Variants in OTOGL observed in about 807,000 individuals in gnomAD.
OTOGL encodes otogelin-like protein.
Under a neutral mutation model 318.5 loss-of-function variants are expected in OTOGL, and 285 were observed. That is an observed-to-expected ratio of 0.89 (90% CI 0.81 to 0.99). The LOEUF (loss-of-function observed/expected upper bound fraction) is 0.99. Ranked by LOEUF, OTOGL falls within the 50% of genes least tolerant of loss-of-function variation. The pLI, the probability that OTOGL is intolerant of heterozygous loss-of-function variation, is 0.00. For missense variants in OTOGL, 2,899 were observed against 2,845.6 expected, an observed-to-expected ratio of 1.02 and a Z score of -0.43; for synonymous variants, 987 against 936.5, an observed-to-expected ratio of 1.05 and a Z score of -0.99.
In OTOGL at chr12:80,329,341, T is replaced by C. The variant is rs191506481; in HGVS notation, c.4348+222T>C. ...GATTCTTCTGCCTGAGACCCCCAAG[T>C]GCTGAGATTACAGGCATGAGCCACA... On this transcript the variant is annotated intron_variant, in intron 37 of 58. Transcript: ENST00000547103. Among the ~76,000 whole-genome samples the C allele has an allele frequency of 8.1e-4, 124 of 152,276 alleles. 1 individual carries two copies. The East Asian group carries it at 0.022, about 27-fold the overall frequency.
At chr12:80,228,435 C>G (rs779830154) in intron 7 of OTOGL, among the ~76,000 whole-genome samples, 2 of 151,790 alleles carry the variant, frequency 1.3e-5, no homozygotes, top group Non-Finnish European at 2.9e-5. Context: ...GAGAGAGGCT[C>G]TATCTCAAAA....
At chr12:80,307,876 C>T (rs1886297813) in intron 29 of OTOGL, among the ~76,000 whole-genome samples, 1 of 139,192 alleles carries the variant, frequency 7.2e-6, no homozygotes, top group Non-Finnish European at 1.5e-5. Flanking sequence ...GGCTGACCCC[C>T]CCACCTCCCT....
intron 43 of OTOGL, among the ~76,000 whole-genome samples, chr12:80,340,607 A>G (rs1337751252): frequency 6.6e-6 from 1 of 152,150 alleles, no homozygotes; most frequent in African/African-American, 2.4e-5. Flanking sequence ...GAGGGCTAGG[A>G]TCACCTTTAT....
At chr12:80,221,957 G>C in intron 6 of OTOGL, 134 bp from the exon 7 acceptor site, 2 of 919,352 alleles carry the variant, frequency 2.2e-6, no homozygotes, top group Non-Finnish European at 1.5e-6. Context: ...TTTTATGTTA[G>C]TTATTTCTTC....
intron 29 of OTOGL, among the ~76,000 whole-genome samples, chr12:80,308,166 C>T (rs1169251585): frequency 6.7e-6 from 1 of 150,224 alleles, no homozygotes; most frequent in Non-Finnish European, 1.5e-5. Flanking sequence ...ACCTCCCTCC[C>T]GGACGAGGTG....
At chr12:80,198,992 G>A (rs536893406) in intron 1 of OTOGL, among the ~76,000 whole-genome samples, 40 of 152,206 alleles carry the variant, frequency 2.6e-4, no homozygotes, top group African/African-American at 8.7e-4. Context: ...TGTAATATGC[G>A]TGTGCATATT....
At chr12:80,200,807 G>T (rs1174132720) in intron 1 of OTOGL, among the ~76,000 whole-genome samples, 1 of 152,130 alleles carries the variant, frequency 6.6e-6, no homozygotes, top group Non-Finnish European at 1.5e-5. Flanking sequence ...TGTGTGTCAT[G>T]CCCTCAAAAA....
intron 12 of OTOGL, 93 bp from the exon 13 acceptor site, chr12:80,251,983 C>T (rs1249201431): frequency 1.5e-6 from 2 of 1,351,448 alleles, no homozygotes; most frequent in Non-Finnish European, 9.7e-7. Context: ...TTATTTTTTG[C>T]AAATTATTTT....
intron 1 of OTOGL, among the ~76,000 whole-genome samples, chr12:80,119,013 C>T (rs1870333759): frequency 6.6e-6 from 1 of 151,956 alleles, no homozygotes; most frequent in Non-Finnish European, 1.5e-5. Flanking sequence ...CTAATTTTGG[C>T]CTATTTCCCT....
chr12:80,349,293 A>G (rs1889394425), intron 44 of OTOGL, among the ~76,000 whole-genome samples: 2 of 152,206 alleles, frequency 1.3e-5, no homozygotes, highest in East Asian at 1.9e-4. Flanking sequence ...TACATTTTCC[A>G]TATATTAGCT....
At chr12:80,252,018 TA>T (rs1326583747) in intron 12 of OTOGL, 57 bp from the exon 13 acceptor site, 49 of 1,411,444 alleles carry the variant, frequency 3.5e-5, no homozygotes, top group Non-Finnish European at 4.5e-5. Flanking sequence ...ATTATAATTT[TA>T]AAAAAGAAAT....
rs1220467489 is a variant in OTOGL at position 80,307,911 on chromosome 12, G to T, written c.3333+2216G>T. On this transcript the variant is annotated intron_variant, in intron 29 of 58. Transcript: ENST00000547103. ...TCCCTCCCGGACGGGGCGGCTGGCC[G>T]GGCGGGGGCTGACCCCCCCACCTCC... 1.7e-4 allele frequency among the ~76,000 whole-genome samples: 23 copies of T among 136,322 alleles called. No individual in the cohort carries two copies. In the South Asian group the frequency reaches 3.3e-3, roughly 20 times the overall value. The allele number at this position is 136,322 out of a possible 152,430, so 89.4% of individuals were successfully genotyped here.
At chr12:80,348,335 A>G (rs1889331229) in intron 44 of OTOGL, among the ~76,000 whole-genome samples, 1 of 152,190 alleles carries the variant, frequency 6.6e-6, no homozygotes, top group South Asian at 2.1e-4. Context: ...AGTTTTCTGC[A>G]TATGGCTAGC....
chr12:80,156,251 C>T (rs1873108939), intron 1 of OTOGL, among the ~76,000 whole-genome samples: 1 of 152,172 alleles, frequency 6.6e-6, no homozygotes, highest in African/African-American at 2.4e-5. Context: ...TCGTCTACAT[C>T]TTTCTCCCTT....
intron 20 of OTOGL, chr12:80,265,589 A>G: frequency 4.7e-6 from 1 of 211,246 alleles, no homozygotes; most frequent in Non-Finnish European, 9.8e-6. Flanking sequence ...ATGTTATGCA[A>G]CAGGCAATTA....
At position 80,138,951 on chromosome 12, in the gene OTOGL, G is replaced by A. The variant is rs58206841; in HGVS notation, c.-20+39346G>A. On this transcript the variant is annotated intron_variant, in intron 1 of 58. Coordinates refer to ENST00000547103, the MANE Select transcript of OTOGL (RefSeq NM_001378609.3). ...AAACATTTAGACTATCTTTCTCACC[G>A]TCTCTTCCAACTACCTTTTACTGTG... 8.7e-3 allele frequency among the ~76,000 whole-genome samples: 1,321 copies of A among 152,186 alleles called. 23 individuals carry two copies. Among genetic ancestry groups the A allele is most frequent in the African/African-American group, 0.03 (1,230 of 41,522 alleles).
chr12:80,149,391 G>T (rs944280408), intron 1 of OTOGL, among the ~76,000 whole-genome samples: 5 of 152,052 alleles, frequency 3.3e-5, no homozygotes, highest in African/African-American at 7.2e-5. Flanking sequence ...GGGGTCAGGG[G>T]TCAGGGACCC....
chr12:80,155,314 G>A (rs1873044165), intron 1 of OTOGL, among the ~76,000 whole-genome samples: 1 of 152,032 alleles, frequency 6.6e-6, no homozygotes, highest in African/African-American at 2.4e-5. Context: ...TTTCTTGCAT[G>A]GATCATGCCT....
intron 26 of OTOGL, among the ~76,000 whole-genome samples, chr12:80,294,263 A>G (rs1057416049): frequency 6.6e-6 from 1 of 151,992 alleles, no homozygotes; most frequent in Non-Finnish European, 1.5e-5. Context: ...ATAGCATGAA[A>G]TTGTAAGACA....
Sources: allele counts gnomAD v4.1 joint callset (sites outside exome capture counted in the v4.1 genomes callset), GRCh38; gene constraint gnomAD v4.1.1; transcripts MANE v1.5; gene names NCBI Gene and HGNC (gene_info 2026-07-23, HGNC 2026-07-21).